Variants in PCDHA2 observed in about 807,000 individuals in gnomAD.
The protein encoded by PCDHA2 is protocadherin alpha-2.
Under a neutral mutation model 66.0 loss-of-function variants are expected in PCDHA2, and 58 were observed. The observed-to-expected ratio is 0.88, with a 90% CI of 0.71 to 1.09. PCDHA2 has a LOEUF of 1.09. Among genes scored for constraint, PCDHA2 ranks in the 50% least tolerant of loss-of-function variants. The probability of loss-of-function intolerance (pLI) is 0.00; values close to 1 mark genes in which losing one functional copy is unlikely to be tolerated. For missense variants in PCDHA2, 1,267 were observed against 1,242.3 expected (o/e 1.02, Z -0.30); for synonymous variants, 634 against 554.0 (o/e 1.14, Z -2.03).
At chr5:140,970,893 T>C (rs568576965) in intron 1 of PCDHA2, among the ~76,000 whole-genome samples, 3 of 152,200 alleles carry the variant, frequency 2.0e-5, no homozygotes, top group Non-Finnish European at 4.4e-5. Context: ...CATGGACATT[T>C]CAGATAGATT....
chr5:140,850,687 A>C lies in PCDHA2; in HGVS notation c.2388+53335A>C, dbSNP rs1159294242. The C allele has an allele frequency of 1.3e-5, 21 of 1,597,676 alleles. 1 individual carries two copies. The highest frequency in any genetic ancestry group is 3.4e-5 in the Admixed American group (2 of 59,228). ...TGCTCGGCGATGCCCACCGAGGGCG[A>C]GTGCGCGCCTGGCAAGCCGACGCTG... On this transcript the variant is annotated intron_variant, in intron 1 of 3. Transcript: ENST00000526136.
At chr5:140,828,675 T>C in intron 1 of PCDHA2, 13 of 1,614,212 alleles carry the variant, frequency 8.1e-6, no homozygotes, top group Non-Finnish European at 9.3e-6. Flanking sequence ...ATTGGGCTCT[T>C]ATTAAAGAAA....
intron 1 of PCDHA2, among the ~76,000 whole-genome samples, chr5:140,799,988 C>T (rs1482580304): frequency 6.6e-6 from 1 of 152,064 alleles, no homozygotes; most frequent in East Asian, 1.9e-4. Context: ...TGAGTAAATA[C>T]TGGCTTATGT....
intron 1 of PCDHA2, chr5:140,870,203 T>C (rs782746068): frequency 5.0e-6 from 8 of 1,613,986 alleles, no homozygotes; most frequent in Non-Finnish European, 5.1e-6. Flanking sequence ...CCCAGCACGG[T>C]CATTGCCCTG....
At chr5:140,956,784 G>T (rs549737881) in intron 1 of PCDHA2, among the ~76,000 whole-genome samples, 373 of 152,090 alleles carry the variant, frequency 2.5e-3, no homozygotes, top group Non-Finnish European at 3.7e-3. Flanking sequence ...CCTGGGCTTT[G>T]TTTGCTTGGT....
intron 1 of PCDHA2, among the ~76,000 whole-genome samples, chr5:140,837,700 C>A (rs1554136606): frequency 1.3e-5 from 2 of 151,152 alleles, no homozygotes; most frequent in Non-Finnish European, 2.9e-5. Flanking sequence ...TCAAGACACG[C>A]TCTCACTCCA....
At chr5:140,812,491 A>G (rs1765118716) in intron 1 of PCDHA2, 2 of 152,004 alleles carry the variant, frequency 1.3e-5, no homozygotes. Context: ...AATCTTTATT[A>G]TAGTATTTCC....
At chr5:140,919,358 T>C (rs2153553560) in intron 1 of PCDHA2, among the ~76,000 whole-genome samples, 1 of 152,356 alleles carries the variant, frequency 6.6e-6, no homozygotes, top group East Asian at 1.9e-4. Flanking sequence ...AATCTAAAAG[T>C]GTCTCCTGCA....
chr5:140,852,930 G>A (rs1581296305), intron 1 of PCDHA2: 1 of 621,568 alleles, frequency 1.6e-6, no homozygotes, highest in East Asian at 1.3e-4. Context: ...CCAGGCTGGA[G>A]TGCAGTGGTG....
intron 1 of PCDHA2, chr5:140,864,797 G>C (rs868909450): frequency 1.3e-5 from 2 of 152,026 alleles, no homozygotes; most frequent in Non-Finnish European, 2.9e-5. Flanking sequence ...AATATTTTAG[G>C]GTAGGAAAAT....
At chr5:140,811,570 G>T (rs868972680) in intron 1 of PCDHA2, 1 of 152,136 alleles carries the variant, frequency 6.6e-6, no homozygotes, top group African/African-American at 2.4e-5. Context: ...TTGAGGAATC[G>T]CCACACTGTC....
chr5:140,989,132 C>T (rs943262599), intron 3 of PCDHA2: 2 of 152,216 alleles, frequency 1.3e-5, no homozygotes, highest in Admixed American at 1.3e-4. Context: ...AAATAAGACA[C>T]TTTATCCCTT....
intron 1 of PCDHA2, chr5:140,928,243 G>A: frequency 6.2e-7 from 1 of 1,614,202 alleles, no homozygotes; most frequent in South Asian, 1.1e-5. Flanking sequence ...ACCCCAGCAG[G>A]AACTTTTCGT....
rs377373799 is a variant in PCDHA2, at chr5:141,009,886, C to G, written c.2796C>G (p.Thr932=). 3.3e-5 allele frequency: 54 copies of G among 1,612,722 alleles called. No individual in the cohort carries two copies. The highest frequency in any genetic ancestry group is 4.6e-5 in the Non-Finnish European group (54 of 1,179,784). The stretch of plus-strand genomic sequence containing the variant: ...AGAAAAAGAAGAAGGGTAACAAGAC[C>G]CAGGAGAAAAAAGAGAAAGGGAACA... ...KKKKKKKGNK[T]QEKKEKGNST... Residue 932 remains threonine (T), a synonymous_variant, in exon 4 of 4, where the codon ACC becomes ACG. Transcript: ENST00000526136.
intron 1 of PCDHA2, among the ~76,000 whole-genome samples, chr5:140,935,284 A>G (rs576807866): frequency 6.6e-6 from 1 of 152,340 alleles, no homozygotes; most frequent in South Asian, 2.1e-4. Context: ...AATAAAGTTC[A>G]GCACTCCGAG....
In PCDHA2 at chr5:140,857,593, G is replaced by C. The variant is rs782606088; in HGVS notation, c.2388+60241G>C. ...TGTCGGTGCACGCGGAGAGCGGCAAGGTGTACGCGCTGCAGCCGCTGGACC... is the reference window on the plus strand; with the variant it reads ...TGTCGGTGCACGCGGAGAGCGGCAACGTGTACGCGCTGCAGCCGCTGGACC... On this transcript the variant is annotated intron_variant, in intron 1 of 3. Coordinates refer to ENST00000526136, the MANE Select transcript of PCDHA2 (RefSeq NM_018905.3). 2.5e-6 allele frequency: 4 copies of C among 1,596,536 alleles called. No individual in the cohort carries two copies. The East Asian group carries it at 6.7e-5, about 27-fold the overall frequency.
At chr5:140,997,142 G>A (rs1038632915) in intron 3 of PCDHA2, among the ~76,000 whole-genome samples, 40 of 151,426 alleles carry the variant, frequency 2.6e-4, no homozygotes, top group African/African-American at 2.7e-4. Flanking sequence ...CCACACCCCC[G>A]CCACAGTGAC....
chr5:140,936,235 GA>G (rs1358431789), intron 1 of PCDHA2, among the ~76,000 whole-genome samples: 2 of 152,076 alleles, frequency 1.3e-5, no homozygotes, highest in African/African-American at 4.8e-5. Context: ...TCCTTTTAAA[GA>G]AAACATATCC....
chr5:140,836,677 C>T, intron 1 of PCDHA2: 1 of 1,613,398 alleles, frequency 6.2e-7, no homozygotes, highest in East Asian at 2.2e-5. Context: ...GAGGGCCCAC[C>T]CAAGACAGAC....
Sources: gnomAD v4.1 joint callset for allele counts (sites outside exome capture counted in the v4.1 genomes callset) on GRCh38, gnomAD v4.1.1 for gene constraint, MANE v1.5 for transcripts, NCBI Gene and HGNC (gene_info 2026-07-23, HGNC 2026-07-21) for gene names.